TRAPPC8: variants seen among roughly 807,000 people sequenced by gnomAD.
TRAPPC8 encodes the protein trafficking protein particle complex subunit 8, also known as general sporulation gene 1 homolog.
In TRAPPC8, 54 loss-of-function variants were observed where a neutral mutation model predicts 174.3. The observed-to-expected ratio is 0.31, with a 90% CI of 0.25 to 0.39. The LOEUF is 0.39. TRAPPC8 is among the 10% of genes least tolerant of loss of function. TRAPPC8 has a pLI of 1.00. For synonymous variants in TRAPPC8, 630 were observed against 579.9 expected (o/e 1.09, Z -1.24); for missense variants, 1,531 against 1,699.1 (o/e 0.90, Z 1.74).
intron 11 of TRAPPC8, among the ~76,000 whole-genome samples, chr18:31,893,940 T>C (rs2036077476): frequency 6.6e-6 from 1 of 152,216 alleles, no homozygotes; most frequent in Non-Finnish European, 1.5e-5. Context: ...CTGGACATTC[T>C]CATAAGCTAA....
At chr18:31,922,861 T>C (rs1318940148) in intron 2 of TRAPPC8, among the ~76,000 whole-genome samples, 1 of 151,756 alleles carries the variant, frequency 6.6e-6, no homozygotes, top group Non-Finnish European at 1.5e-5. Context: ...CTACAAAAAA[T>C]GCAAAATTAA....
At chr18:31,917,536 C>T (rs2037199564) in intron 3 of TRAPPC8, 42 bp downstream of exon 3, 1 of 1,541,492 alleles carries the variant, frequency 6.5e-7, no homozygotes, top group Non-Finnish European at 8.8e-7. Context: ...TAATAACTTC[C>T]ATAATATTTG....
At chr18:31,925,591 A>T (rs1384352289) in intron 2 of TRAPPC8, among the ~76,000 whole-genome samples, 1 of 152,204 alleles carries the variant, frequency 6.6e-6, no homozygotes, top group Non-Finnish European at 1.5e-5. Flanking sequence ...AAATTAACAA[A>T]GAAAGAATAC....
At chr18:31,931,204 T>C in intron 2 of TRAPPC8, 125 bp downstream of exon 2, 1 of 801,446 alleles carries the variant, frequency 1.2e-6, no homozygotes, top group Non-Finnish European at 1.8e-6. Flanking sequence ...TTCAACATTG[T>C]ATTCTCAGGC....
Position 31,935,548 on chromosome 18 carries a change from T to TGGAAAAAAAAAAA in TRAPPC8, c.158-4026_158-4025insTTTTTTTTTTTCC. ...GGGCAACAAGAGCGAAACTCCATCT[T>TGGAAAAAAAAAAA]AAAAAAAAAAAAAAAAAAAAGCAGG... On this transcript the variant is annotated intron_variant, in intron 1 of 28. Coordinates refer to ENST00000283351, the MANE Select transcript of TRAPPC8 (RefSeq NM_014939.5). Among the ~76,000 whole-genome samples the TGGAAAAAAAAAAA allele has an allele frequency of 4.3e-5, 2 of 46,286 alleles. 1 individual carries two copies. Among genetic ancestry groups the TGGAAAAAAAAAAA allele is most frequent in the Non-Finnish European group, 7.1e-5 (2 of 28,302 alleles). The allele number at this position is 46,286 out of a possible 152,430, so 30.4% of individuals were successfully genotyped here. A position where few individuals can be genotyped will look rare whatever the true frequency, so the allele number is the denominator to read the frequency against.
At chr18:31,900,013 G>A (rs1292200591) in intron 10 of TRAPPC8, among the ~76,000 whole-genome samples, 1 of 151,972 alleles carries the variant, frequency 6.6e-6, no homozygotes, top group Non-Finnish European at 1.5e-5. Context: ...CGAGGTGGGT[G>A]GATCTCTTGA....
intron 1 of TRAPPC8, among the ~76,000 whole-genome samples, chr18:31,941,726 T>C (rs572782614): frequency 2.0e-5 from 3 of 152,340 alleles, no homozygotes; most frequent in Non-Finnish European, 4.4e-5. Flanking sequence ...ATCACAGTCG[T>C]TTGCCTGACA....
At chr18:31,900,380 A>G (rs2036366917) in intron 10 of TRAPPC8, among the ~76,000 whole-genome samples, 2 of 152,232 alleles carry the variant, frequency 1.3e-5, no homozygotes, top group South Asian at 4.1e-4. Flanking sequence ...CTCTTTAGCC[A>G]GTAATGCACA....
Position 31,832,155 on chromosome 18 carries a change from G to C in TRAPPC8, c.4002C>G (p.Val1334=). 6.5e-7 allele frequency: 1 copy of C among 1,542,104 alleles called. No individual in the cohort carries two copies. The highest frequency in any genetic ancestry group is 8.7e-7 in the Non-Finnish European group (1 of 1,154,662). ...FHQKSLCLVP[V]TLLLSNCSKA... ...TAGAACAATTGGAAAGTAAAAGAGT[G>C]ACTGGTACTAAACAAAGGCTATGGA... The change falls in exon 28 of 29, where the codon GTC becomes GTG. Residue 1334 remains valine (V), a synonymous_variant. Coordinates refer to ENST00000283351, the MANE Select transcript of TRAPPC8 (RefSeq NM_014939.5).
chr18:31,873,558 G>GA lies in TRAPPC8; in HGVS notation c.1954-21dup. On this transcript the variant is annotated intron_variant, in intron 13 of 28. Transcript: ENST00000283351. ...TACATTCTGAGAGAAATATAAAAGG[G>GA]AAAAAAAGTAGTTTTTGTGAAAATG... 6.4e-7 allele frequency: 1 copy of GA among 1,559,526 alleles called. No individual in the cohort carries two copies. Among genetic ancestry groups the GA allele is most frequent in the Admixed American group, 1.9e-5 (1 of 52,504 alleles).
intron 12 of TRAPPC8, among the ~76,000 whole-genome samples, chr18:31,879,904 G>GT (rs1364541387): frequency 2.0e-5 from 3 of 148,582 alleles, no homozygotes; most frequent in African/African-American, 7.5e-5. Flanking sequence ...AATCTCCCAA[G>GT]ACTGAACAAG....
At chr18:31,893,438 G>T (rs1409966629) in intron 11 of TRAPPC8, among the ~76,000 whole-genome samples, 2 of 151,364 alleles carry the variant, frequency 1.3e-5, no homozygotes, top group South Asian at 2.1e-4. Context: ...TGTTACCCTG[G>T]TTTCATTTTT....
At chr18:31,848,217 G>A (rs1410338425) in intron 25 of TRAPPC8, among the ~76,000 whole-genome samples, 2 of 152,044 alleles carry the variant, frequency 1.3e-5, no homozygotes, top group East Asian at 1.9e-4. Context: ...CCCAGCCAAG[G>A]AGCATCACAA....
intron 1 of TRAPPC8, among the ~76,000 whole-genome samples, chr18:31,935,804 CA>C (rs1228621215): frequency 6.6e-6 from 1 of 150,840 alleles, no homozygotes; most frequent in East Asian, 2.0e-4. Flanking sequence ...TGCATGATTT[CA>C]ACTCACTGCA....
intron 12 of TRAPPC8, among the ~76,000 whole-genome samples, chr18:31,885,606 C>A (rs983350022): frequency 6.6e-6 from 1 of 151,948 alleles, no homozygotes; most frequent in African/African-American, 2.4e-5. Context: ...CTCCTGTAAT[C>A]CCAGCACTTT....
chr18:31,942,158 T>C (rs1384281448), intron 1 of TRAPPC8, among the ~76,000 whole-genome samples: 1 of 152,220 alleles, frequency 6.6e-6, no homozygotes, highest in Non-Finnish European at 1.5e-5. Context: ...AAGAATGTAA[T>C]AACATCCACA....
At position 31,870,922 on chromosome 18, in the gene TRAPPC8, T is replaced by TCA. The variant is rs1253762078; in HGVS notation, c.2257+2_2257+3dup. ...AAACAGAAATAAAAATTCAAGTATA[T>TCA]CACCTTCTACAACTGCAAGTGGAAA... On this transcript the variant is annotated splice_donor_region_variant and intron_variant, in intron 15 of 28. Transcript: ENST00000283351. The TCA allele has an allele frequency of 6.5e-7, 1 of 1,540,640 alleles. No individual in the cohort carries two copies.
At chr18:31,845,522 T>C (rs1358148847) in intron 26 of TRAPPC8, among the ~76,000 whole-genome samples, 1 of 151,944 alleles carries the variant, frequency 6.6e-6, no homozygotes, top group Non-Finnish European at 1.5e-5. Context: ...CAATGAAGTA[T>C]TAATATTTAG....
At chr18:31,892,275 A>G (rs1272706015) in intron 11 of TRAPPC8, among the ~76,000 whole-genome samples, 9 of 152,182 alleles carry the variant, frequency 5.9e-5, no homozygotes, top group Admixed American at 1.3e-4. Flanking sequence ...ATGTATGTGC[A>G]TGTGTTTACA....
Sources: allele counts gnomAD v4.1 joint callset (sites outside exome capture counted in the v4.1 genomes callset), GRCh38; gene constraint gnomAD v4.1.1; transcripts MANE v1.5; gene names NCBI Gene and HGNC (gene_info 2026-07-23, HGNC 2026-07-21).